CAMK2A: variants seen among roughly 807,000 people sequenced by gnomAD.
CAMK2A encodes calcium/calmodulin-dependent protein kinase type II subunit alpha.
A neutral mutation model predicts 79.2 loss-of-function variants in CAMK2A; 7 were observed. The observed-to-expected ratio is 0.09, with a 90% CI of 0.05 to 0.17. CAMK2A has a LOEUF of 0.17. Among genes scored for constraint, CAMK2A ranks in the 10% least tolerant of loss-of-function variants. CAMK2A has a pLI of 1.00. For missense variants in CAMK2A, 214 were observed against 646.4 expected, an observed-to-expected ratio of 0.33 and a Z score of 7.25; for synonymous variants, 242 against 251.7, an observed-to-expected ratio of 0.96 and a Z score of 0.36.
At chr5:150,273,741 TCATAA>T (rs954363256) in intron 1 of CAMK2A, among the ~76,000 whole-genome samples, 2 of 152,234 alleles carry the variant, frequency 1.3e-5, no homozygotes, top group African/African-American at 2.4e-5. Flanking sequence ...TCCTTCCATA[TCATAA>T]CATAAGAGTT....
At chr5:150,238,225 A>C (rs928574213) in intron 15 of CAMK2A, 3 of 163,704 alleles carry the variant, frequency 1.8e-5, no homozygotes, top group Non-Finnish European at 4.0e-5. Flanking sequence ...CCGAGGCAGG[A>C]GGATCACCTG....
intron 9 of CAMK2A, 36 bp from the exon 10 acceptor site, chr5:150,250,846 GC>G (rs1237912188): frequency 6.2e-7 from 1 of 1,606,010 alleles, no homozygotes; most frequent in East Asian, 2.2e-5. Context: ...TGCCCAGCCT[GC>G]CCCAGGCCAC....
intron 1 of CAMK2A, among the ~76,000 whole-genome samples, chr5:150,288,793 T>C (rs975312845): frequency 6.6e-6 from 1 of 152,060 alleles, no homozygotes; most frequent in African/African-American, 2.4e-5. Context: ...CACAAGGGCC[T>C]CCCCTCTTTC....
At chr5:150,238,813 CT>C in intron 14 of CAMK2A, 65 bp from the exon 15 acceptor site, 1 of 1,389,808 alleles carries the variant, frequency 7.2e-7, no homozygotes, top group Non-Finnish European at 9.7e-7. Flanking sequence ...TGGCCAGGCC[CT>C]GGCTGCCTGG....
At chr5:150,286,802 C>A (rs1350893037) in intron 1 of CAMK2A, among the ~76,000 whole-genome samples, 1 of 152,180 alleles carries the variant, frequency 6.6e-6, no homozygotes, top group Non-Finnish European at 1.5e-5. Context: ...CAACTCCAGA[C>A]AAAAGGTACA....
chr5:150,268,593 C>T (rs1198469486), intron 2 of CAMK2A, among the ~76,000 whole-genome samples: 1 of 152,184 alleles, frequency 6.6e-6, no homozygotes, highest in East Asian at 1.9e-4. Flanking sequence ...GTCTCACTGC[C>T]CAGAAAATGG....
intron 2 of CAMK2A, among the ~76,000 whole-genome samples, chr5:150,270,067 T>G (rs1756680388): frequency 6.6e-6 from 1 of 152,214 alleles, no homozygotes; most frequent in South Asian, 2.1e-4. Context: ...ATGTGCCCAA[T>G]GCGCCCTTAG....
intron 3 of CAMK2A, among the ~76,000 whole-genome samples, chr5:150,262,081 G>A (rs923655424): frequency 4.6e-5 from 7 of 152,140 alleles, no homozygotes; most frequent in African/African-American, 1.2e-4. Flanking sequence ...GCAGGTTACC[G>A]ACCTCTCCCA....
intron 13 of CAMK2A, among the ~76,000 whole-genome samples, 154 bp downstream of exon 13, chr5:150,245,007 C>T (rs1462435544): frequency 2.0e-5 from 3 of 152,040 alleles, no homozygotes; most frequent in Admixed American, 6.5e-5. Flanking sequence ...AAGCCTAGGT[C>T]GTGGGTCTGG....
At chr5:150,273,319 G>A (rs557876385) in intron 1 of CAMK2A, among the ~76,000 whole-genome samples, 160 bp from the exon 2 acceptor site, 3 of 152,246 alleles carry the variant, frequency 2.0e-5, no homozygotes, top group African/African-American at 7.2e-5. Context: ...GGGACACAGC[G>A]AGGCCAGAGA....
At chr5:150,226,513 G>A (rs1754603077) in intron 17 of CAMK2A, among the ~76,000 whole-genome samples, 1 of 152,044 alleles carries the variant, frequency 6.6e-6, no homozygotes, top group Non-Finnish European at 1.5e-5. Context: ...GAGGCAGGCA[G>A]ATCACCTGAG....
At chr5:150,225,590 C>G (rs1203854973) in intron 17 of CAMK2A, among the ~76,000 whole-genome samples, 1 of 152,278 alleles carries the variant, frequency 6.6e-6, no homozygotes, top group African/African-American at 2.4e-5. Flanking sequence ...CTGGTCCCTG[C>G]TTTGTGGGGA....
chr5:150,277,146 G>A (rs1756983648), intron 1 of CAMK2A, among the ~76,000 whole-genome samples: 1 of 152,262 alleles, frequency 6.6e-6, no homozygotes. Context: ...TGCCAGAGTG[G>A]GAGGTTGCAG....
Position 150,221,519 on chromosome 5 carries a change from A to T in CAMK2A, c.*1191T>A, listed in dbSNP as rs979565143. 1.8e-5 allele frequency: 7 copies of T among 398,630 alleles called. No homozygotes were observed. The Admixed American group carries it at 3.1e-4, about 18-fold the overall frequency. The allele number at this position is 398,630 out of a possible 1,614,324, so 24.7% of individuals were successfully genotyped here. A position where few individuals can be genotyped will look rare whatever the true frequency, so the allele number is the denominator to read the frequency against. On this transcript the variant is annotated 3_prime_UTR_variant, in exon 19 of 19. Transcript: ENST00000671881. ...TCGGTAGAGAAGACCCCAGTTTGCGAGGGAAGCAAAGAAAAGTCCAGGTAT... is the reference window on the plus strand; with the variant it reads ...TCGGTAGAGAAGACCCCAGTTTGCGTGGGAAGCAAAGAAAAGTCCAGGTAT...
At chr5:150,248,603 G>A (rs1039759030) in intron 11 of CAMK2A, among the ~76,000 whole-genome samples, 6 of 149,960 alleles carry the variant, frequency 4.0e-5, no homozygotes, top group African/African-American at 1.5e-4. Flanking sequence ...TTTTGTCCTT[G>A]CGATAGTTTG....
Position 150,222,566 on chromosome 5 carries a change from C to T in CAMK2A, c.*144G>A. 1.1e-6 allele frequency: 1 copy of T among 910,250 alleles called. No homozygotes were observed. The highest frequency in any genetic ancestry group is 1.8e-6 in the Non-Finnish European group (1 of 560,914). The allele number at this position is 910,250 out of a possible 1,614,324, so 56.4% of individuals were successfully genotyped here. The stretch of plus-strand genomic sequence containing the variant: ...TGACTTTTGTGAACAAGCAGGTTTT[C>T]TTGATGCAGGTACAGAAGTGACGGT... On this transcript the variant is annotated 3_prime_UTR_variant, in exon 19 of 19. Coordinates refer to ENST00000671881, the MANE Select transcript of CAMK2A (RefSeq NM_015981.4).
At chr5:150,259,975 TA>T (rs1175933232) in intron 3 of CAMK2A, among the ~76,000 whole-genome samples, 1 of 147,410 alleles carries the variant, frequency 6.8e-6, no homozygotes, top group East Asian at 2.1e-4. Flanking sequence ...TCTCAAAAAA[TA>T]AAAAAAATTA....
intron 3 of CAMK2A, among the ~76,000 whole-genome samples, chr5:150,263,715 T>C (rs1756393427): frequency 6.6e-6 from 1 of 152,224 alleles, no homozygotes; most frequent in Non-Finnish European, 1.5e-5. Context: ...GTAGCCTCCG[T>C]AAGGACCATA....
At chr5:150,265,913 C>T (rs1238151769) in intron 2 of CAMK2A, among the ~76,000 whole-genome samples, 15 of 144,140 alleles carry the variant, frequency 1.0e-4, no homozygotes, top group Admixed American at 4.3e-4. Context: ...CCAGCCTAGG[C>T]GACAGAGCGA....
Sources: allele counts gnomAD v4.1 joint callset (sites outside exome capture counted in the v4.1 genomes callset), GRCh38; gene constraint gnomAD v4.1.1; transcripts MANE v1.5; gene names NCBI Gene and HGNC (gene_info 2026-07-23, HGNC 2026-07-21).